Variants in COL6A5 observed in about 807,000 individuals in gnomAD.
COL6A5 encodes the protein collagen type VI alpha 5 chain.
COL6A5 carries 48 observed loss-of-function variants against 65.6 expected under a neutral mutation model. The observed-to-expected ratio is 0.73, with a 90% CI of 0.58 to 0.93. The LOEUF (loss-of-function observed/expected upper bound fraction) is 0.93, where lower values mean the gene tolerates loss of function less well. Ranked by LOEUF, COL6A5 falls within the 40% of genes least tolerant of loss-of-function variation. The pLI, the probability that COL6A5 is intolerant of heterozygous loss-of-function variation, is 0.00. For synonymous variants in COL6A5, 291 were observed against 322.8 expected (o/e 0.90, Z 1.05); for missense variants, 914 against 928.3 (o/e 0.98, Z 0.20).
chr3:130,397,471 G>T, intron 8 of COL6A5, 112 bp from the exon 9 acceptor site: 1 of 702,422 alleles, frequency 1.4e-6, no homozygotes. Context: ...ACACTATTTG[G>T]GGACTAGAGA....
intron 1 of COL6A5, among the ~76,000 whole-genome samples, chr3:130,352,244 C>T (rs1934749380): frequency 6.6e-6 from 1 of 151,864 alleles, no homozygotes; most frequent in South Asian, 2.1e-4. Flanking sequence ...CACCATGGCA[C>T]ATGTATACCT....
exon 5 of COL6A5, chr3:130,385,059 C>T: frequency 1.3e-6 from 2 of 1,550,862 alleles, no homozygotes; most frequent in Non-Finnish European, 1.7e-6. Flanking sequence ...ACTGGTGGAA[C>T]TTATACTGGG....
At chr3:130,388,956 T>C (rs2107650697) in exon 6 of COL6A5, 1 of 1,547,330 alleles carries the variant, frequency 6.5e-7, no homozygotes, top group Non-Finnish European at 8.7e-7. Flanking sequence ...ATGTGAGAGA[T>C]CCTGCTAGAA....
At chr3:130,422,659 T>C (rs1937537887) in intron 27 of COL6A5, 61 bp from the exon 28 acceptor site, 4 of 1,111,622 alleles carry the variant, frequency 3.6e-6, no homozygotes, top group Non-Finnish European at 5.3e-6. Flanking sequence ...AGAGAGTTTT[T>C]TTTTTAATTC....
chr3:130,433,030 A>T (rs1048440277), intron 1 of COL6A5, among the ~76,000 whole-genome samples: 1 of 151,506 alleles, frequency 6.6e-6, no homozygotes, highest in Non-Finnish European at 1.5e-5. Flanking sequence ...CTATTTTTAT[A>T]AAAAATGTAC....
At chr3:130,382,019 G>A (rs550664657) in intron 4 of COL6A5, among the ~76,000 whole-genome samples, 51 of 151,844 alleles carry the variant, frequency 3.4e-4, no homozygotes, top group African/African-American at 6.8e-4. Context: ...GCAGATGCCT[G>A]GCAAAAATTC....
At chr3:130,432,024 TAGAG>T in intron 1 of COL6A5, 75 bp downstream of exon 33, 1 of 1,437,788 alleles carries the variant, frequency 7.0e-7, no homozygotes, top group Non-Finnish European at 9.3e-7. Context: ...ATGGGAGTGG[TAGAG>T]AGTCAAGAAA....
At chr3:130,431,823 G>T in exon 1 of COL6A5, 1 of 1,551,580 alleles carries the variant, frequency 6.4e-7, no homozygotes, top group Non-Finnish European at 8.7e-7. Flanking sequence ...GAGTTGCTGT[G>T]TTTTTTAGCA....
Position 130,440,253 on chromosome 3 carries a change from G to A in COL6A5, c.671G>A (p.Arg224Gln), listed in dbSNP as rs200739552. 285 of 1,613,246 alleles carry A rather than the reference G, an allele frequency of 1.8e-4. No homozygotes were observed. Among genetic ancestry groups the A allele is most frequent in the Admixed American group, 1.1e-3 (65 of 59,914 alleles). Residue 224 changes from arginine to glutamine, a missense_variant, in exon 3 of 8, where the codon CGG (arginine) becomes CAG (glutamine). By Grantham distance (43) the Arg-to-Gln change is conservative (BLOSUM62 1). Transcript: ENST00000512836. ...GTAGTCTTCCTCATAGACAATTCTCGGAATATAGCAAAGGATGAGTTTAAG... is the reference window on the plus strand; with the variant it reads ...GTAGTCTTCCTCATAGACAATTCTCAGAATATAGCAAAGGATGAGTTTAAG...
Position 130,397,929 on chromosome 3 carries a change from C to G in COL6A5, c.3909+6C>G. On this transcript the variant is annotated splice_donor_region_variant and intron_variant and NMD_transcript_variant, in intron 9 of 41. Coordinates refer to the COL6A5 transcript ENST00000312481. ...AATCTGCATCCCGGGGCCAGGTATC[C>G]ATATTACATTCTATCTCCCATCTCC... is the stretch of plus-strand genomic sequence containing the variant. 6.5e-7 allele frequency: 1 copy of G among 1,549,376 alleles called. No homozygotes were observed. Among genetic ancestry groups the G allele is most frequent in the African/African-American group, 1.4e-5 (1 of 73,046 alleles).
At chr3:130,403,320 C>T (rs927596026) in intron 12 of COL6A5, among the ~76,000 whole-genome samples, 6 of 152,108 alleles carry the variant, frequency 3.9e-5, no homozygotes, top group African/African-American at 1.2e-4. Context: ...CCCTGCAAAT[C>T]GCTCAGGTGC....
In COL6A5 at chr3:130,443,580, C is replaced by G. The variant is rs1393385270; in HGVS notation, c.1332+14C>G. The G allele has an allele frequency of 5.2e-6, 8 of 1,545,874 alleles. No individual in the cohort carries two copies. Among genetic ancestry groups the G allele is most frequent in the Non-Finnish European group, 7.2e-6 (8 of 1,118,318 alleles). ...TGATGGTTTCCAGTAAGTTAGAAAG[C>G]TCTTATATTTACAAGTGACTGCTAA... On this transcript the variant is annotated intron_variant, in intron 4 of 7. Coordinates refer to ENST00000512836, the Ensembl canonical transcript of COL6A5.
At chr3:130,460,727 G>A (rs780861037) in intron 5 of COL6A5, among the ~76,000 whole-genome samples, 40 of 151,976 alleles carry the variant, frequency 2.6e-4, no homozygotes, top group Non-Finnish European at 5.0e-4. Context: ...TGGTTGAGGT[G>A]GGTGGTAGGG....
intron 10 of COL6A5, among the ~76,000 whole-genome samples, chr3:130,398,363 C>T (rs927274279): frequency 3.9e-5 from 6 of 152,098 alleles, no homozygotes; most frequent in African/African-American, 1.4e-4. Context: ...ATCTCCTGAC[C>T]TCGTGATTCA....
At chr3:130,358,717 A>G (rs541358865) in intron 1 of COL6A5, among the ~76,000 whole-genome samples, 101 of 152,196 alleles carry the variant, frequency 6.6e-4, no homozygotes, top group Non-Finnish European at 1.1e-3. Context: ...AAGGACTTCC[A>G]TATGTTCCTG....
chr3:130,404,972 T>G (rs1346320583), intron 13 of COL6A5, among the ~76,000 whole-genome samples: 2 of 152,230 alleles, frequency 1.3e-5, no homozygotes, highest in East Asian at 3.8e-4. Context: ...TCCATTTTAC[T>G]TTAGCATTTA....
chr3:130,368,216 G>A (rs978681920), intron 1 of COL6A5, among the ~76,000 whole-genome samples: 1 of 152,232 alleles, frequency 6.6e-6, no homozygotes, highest in Admixed American at 6.5e-5. Context: ...GTGCCCCAGA[G>A]TTGCTCAAAT....
intron 27 of COL6A5, among the ~76,000 whole-genome samples, chr3:130,422,497 A>G (rs924506602): frequency 6.6e-6 from 1 of 151,974 alleles, no homozygotes; most frequent in East Asian, 1.9e-4. Context: ...TGAAATGTAT[A>G]TGTAAATATT....
chr3:130,362,252 T>TTCTCTCTCTCTCTC (rs373519002), intron 1 of COL6A5, among the ~76,000 whole-genome samples: 1,880 of 114,320 alleles, frequency 0.016, 62 homozygotes, highest in African/African-American at 0.045. Context: ...TAAGGTTTCT[T>TTCTCTCTCTCTCTC]TCTCTCTCTC....
Sources: gnomAD v4.1 joint callset for allele counts (sites outside exome capture counted in the v4.1 genomes callset) on GRCh38, gnomAD v4.1.1 for gene constraint, MANE v1.5 for transcripts, NCBI Gene and HGNC (gene_info 2026-07-23, HGNC 2026-07-21) for gene names.